THOC1: variants seen among roughly 807,000 people sequenced by gnomAD.
THOC1 encodes the protein THO complex 1.
Under a neutral mutation model 97.3 loss-of-function variants are expected in THOC1, and 29 were observed. The ratio of observed to expected loss-of-function variants is 0.30; its 90% CI spans 0.22 to 0.41. The LOEUF (loss-of-function observed/expected upper bound fraction) is 0.41. Ranked by LOEUF, THOC1 falls within the 10% of genes least tolerant of loss-of-function variation. The pLI is 1.00. For synonymous variants in THOC1, 255 were observed against 257.0 expected (o/e 0.99, Z 0.07); for missense variants, 529 against 761.9 (o/e 0.69, Z 3.60).
intron 1 of THOC1, among the ~76,000 whole-genome samples, chr18:267,277 T>G (rs937908452): frequency 3.3e-5 from 5 of 152,120 alleles, no homozygotes; most frequent in African/African-American, 9.7e-5. Context: ...GTCACAACTT[T>G]TTGGGGGGTG....
intron 4 of THOC1, 96 bp downstream of exon 4, chr18:263,930 A>AG (rs1262637355): frequency 2.1e-6 from 2 of 950,526 alleles, no homozygotes; most frequent in Non-Finnish European, 3.1e-6. Flanking sequence ...AATAAACAAA[A>AG]TCAGATAGGT....
intron 9 of THOC1, among the ~76,000 whole-genome samples, chr18:252,301 G>A (rs1912303185): frequency 6.6e-6 from 1 of 152,086 alleles, no homozygotes; most frequent in Non-Finnish European, 1.5e-5. Flanking sequence ...TTCAAATGCT[G>A]GGATTATGCA....
chr18:255,101 A>G lies in THOC1; in HGVS notation c.521-746T>C, dbSNP rs76726476. Among the ~76,000 whole-genome samples, 5 of 152,298 alleles carry G rather than the reference A, an allele frequency of 3.3e-5. No homozygotes were observed. The East Asian group carries it at 9.6e-4, about 29-fold the overall frequency. On this transcript the variant is annotated intron_variant, in intron 7 of 20. Coordinates refer to ENST00000261600, the MANE Select transcript of THOC1 (RefSeq NM_005131.3). ...ACTGCTTCACCGACCAACCGTTCCC[A>G]TGACTCTCTCTCTCTCCTTGGGCCT...
intron 20 of THOC1, 137 bp downstream of exon 20, chr18:215,292 A>G (rs1462012798): frequency 1.4e-6 from 1 of 710,036 alleles, no homozygotes; most frequent in Non-Finnish European, 2.4e-6. Flanking sequence ...AATGTTTTAA[A>G]TTCCTCACTA....
At chr18:215,058 C>T (rs1910824093) in intron 20 of THOC1, 137 bp from the exon 21 acceptor site, 12 of 785,138 alleles carry the variant, frequency 1.5e-5, no homozygotes, top group Admixed American at 2.9e-5. Context: ...TTTATATTCT[C>T]CGTAAGTTGA....
chr18:267,205 T>TA (rs1912803066), intron 1 of THOC1, among the ~76,000 whole-genome samples: 1 of 152,140 alleles, frequency 6.6e-6, no homozygotes, highest in Admixed American at 6.5e-5. Context: ...TCTTCATACT[T>TA]ACGTTGCTGT....
intron 1 of THOC1, among the ~76,000 whole-genome samples, chr18:266,942 CA>C (rs1181370180): frequency 6.6e-6 from 1 of 151,682 alleles, no homozygotes; most frequent in Non-Finnish European, 1.5e-5. Context: ...ATGACATACA[CA>C]AAATATAATC....
intron 9 of THOC1, among the ~76,000 whole-genome samples, chr18:252,038 C>T (rs644438): frequency 0.63 from 95,559 of 152,076 alleles, 30,218 homozygotes; most frequent in South Asian, 0.76. Context: ...TTGATTTCAT[C>T]ATACATCATT....
chr18:266,704 T>G (rs1912780442), intron 1 of THOC1, among the ~76,000 whole-genome samples: 1 of 152,136 alleles, frequency 6.6e-6, no homozygotes, highest in Non-Finnish European at 1.5e-5. Flanking sequence ...GCCTGGCTAA[T>G]TTTCGTATTT....
At chr18:224,674 G>A (rs1911215612) in intron 15 of THOC1, among the ~76,000 whole-genome samples, 1 of 151,422 alleles carries the variant, frequency 6.6e-6, no homozygotes, top group Admixed American at 6.6e-5. Context: ...ACACGGAGTA[G>A]ATATACAGTA....
intron 11 of THOC1, among the ~76,000 whole-genome samples, chr18:238,910 ACTTTT>A (rs1407750834): frequency 2.9e-4 from 44 of 152,226 alleles, no homozygotes; most frequent in African/African-American, 8.7e-4. Context: ...TGACTTTATG[ACTTTT>A]CTTTGATTAA....
rs530965977 is a variant in THOC1 at position 225,005 on chromosome 18, C to A, written c.1138-11G>T. The A allele has an allele frequency of 3.1e-5, 48 of 1,568,040 alleles. No individual in the cohort carries two copies. The East Asian group carries it at 9.9e-4, about 32-fold the overall frequency. On this transcript the variant is annotated splice_polypyrimidine_tract_variant and intron_variant, in intron 14 of 20. Coordinates refer to ENST00000261600, the MANE Select transcript of THOC1 (RefSeq NM_005131.3). ...AGTGTTTAATATATGCTGGGAAAAA[C>A]AAAGCGATTACATTTTGGTTAGTGG... is the stretch of plus-strand genomic sequence containing the variant.
intron 9 of THOC1, among the ~76,000 whole-genome samples, chr18:249,977 C>G (rs1038416951): frequency 6.6e-6 from 1 of 152,148 alleles, no homozygotes; most frequent in Non-Finnish European, 1.5e-5. Flanking sequence ...ATTATATGTC[C>G]CTTTTTGTCT....
chr18:252,724 A>C (rs1179213109), intron 8 of THOC1, 112 bp from the exon 9 acceptor site: 1 of 827,218 alleles, frequency 1.2e-6, no homozygotes, highest in Non-Finnish European at 2.0e-6. Context: ...CAGTTAGAGA[A>C]GTCTAGTCAC....
At chr18:221,812 G>A (rs770096091) in intron 17 of THOC1, among the ~76,000 whole-genome samples, 3 of 152,104 alleles carry the variant, frequency 2.0e-5, no homozygotes, top group Non-Finnish European at 4.4e-5. Context: ...GTTTCACCGT[G>A]TTAGCCACGA....
At chr18:230,737 CATT>C (rs1321840045) in intron 11 of THOC1, among the ~76,000 whole-genome samples, 3 of 151,968 alleles carry the variant, frequency 2.0e-5, no homozygotes, top group African/African-American at 7.3e-5. Flanking sequence ...TCAAACATTT[CATT>C]ATTATTATTT....
intron 17 of THOC1, among the ~76,000 whole-genome samples, chr18:221,065 C>T (rs1911060475): frequency 6.6e-6 from 1 of 152,172 alleles, no homozygotes; most frequent in Non-Finnish European, 1.5e-5. Context: ...TTTAGCTCTA[C>T]ATTTTCCAAT....
At chr18:221,405 G>A (rs1313327391) in intron 17 of THOC1, among the ~76,000 whole-genome samples, 2 of 152,000 alleles carry the variant, frequency 1.3e-5, no homozygotes, top group African/African-American at 2.4e-5. Flanking sequence ...AGTTTAAAAT[G>A]TGTATATTTC....
At chr18:226,929 G>T in intron 11 of THOC1, 28 bp from the exon 12 acceptor site, 1 of 1,532,836 alleles carries the variant, frequency 6.5e-7, no homozygotes, top group Non-Finnish European at 8.9e-7. Flanking sequence ...AAACACATAC[G>T]AAAACAACAC....
Sources: allele counts gnomAD v4.1 joint callset (sites outside exome capture counted in the v4.1 genomes callset), GRCh38; gene constraint gnomAD v4.1.1; transcripts MANE v1.5; gene names NCBI Gene and HGNC (gene_info 2026-07-23, HGNC 2026-07-21).